CNTNAP2: variants seen among roughly 807,000 people sequenced by gnomAD.
The protein encoded by CNTNAP2 is contactin-associated protein-like 2.
In CNTNAP2, 98 loss-of-function variants were observed where a neutral mutation model predicts 155.2. The ratio of observed to expected loss-of-function variants is 0.63; its 90% CI spans 0.54 to 0.75. CNTNAP2 has a LOEUF of 0.75. Among genes scored for constraint, CNTNAP2 ranks in the 30% least tolerant of loss-of-function variants. The pLI is 0.00. For synonymous variants in CNTNAP2, 651 were observed against 631.2 expected, an observed-to-expected ratio of 1.03 and a Z score of -0.47; for missense variants, 1,727 against 1,688.1, an observed-to-expected ratio of 1.02 and a Z score of -0.40.
chr7:147,006,903 A>G (rs1414716709), intron 3 of CNTNAP2, among the ~76,000 whole-genome samples: 2 of 152,086 alleles, frequency 1.3e-5, no homozygotes, highest in East Asian at 3.9e-4. Context: ...TAAAGGAAAA[A>G]GTACATGCTG....
intron 13 of CNTNAP2, among the ~76,000 whole-genome samples, chr7:147,734,449 T>C (rs561035224): frequency 3.1e-4 from 47 of 152,306 alleles, no homozygotes; most frequent in Non-Finnish European, 6.0e-4. Context: ...TGCATCAATG[T>C]TCATCAGGGA....
At chr7:147,167,254 A>T (rs1802132785) in intron 8 of CNTNAP2, 1 of 382,732 alleles carries the variant, frequency 2.6e-6, no homozygotes, top group Non-Finnish European at 4.6e-6. Flanking sequence ...TAACTGGTCA[A>T]TTTTGATAAT....
chr7:148,136,018 AGGG>A (rs1804938152), intron 16 of CNTNAP2, among the ~76,000 whole-genome samples: 5 of 19,548 alleles, frequency 2.6e-4, no homozygotes, highest in African/African-American at 8.5e-4. Context: ...GAAGGAAGGA[AGGG>A]AGGGAGGGAG....
intron 2 of CNTNAP2, 70 bp from the exon 3 acceptor site, chr7:146,839,641 A>G: frequency 6.6e-7 from 1 of 1,524,566 alleles, no homozygotes; most frequent in Non-Finnish European, 9.1e-7. Flanking sequence ...TATGTAGAAT[A>G]TTCCATTGTC....
chr7:148,022,971 G>C (rs189684616), intron 15 of CNTNAP2, among the ~76,000 whole-genome samples: 1 of 152,148 alleles, frequency 6.6e-6, no homozygotes, highest in South Asian at 2.1e-4. Context: ...ATATCTCATC[G>C]GCAGTAATAG....
chr7:147,340,115 A>G (rs995743821), intron 9 of CNTNAP2, among the ~76,000 whole-genome samples: 4 of 152,158 alleles, frequency 2.6e-5, no homozygotes, highest in Non-Finnish European at 5.9e-5. Flanking sequence ...CATAAGAGAT[A>G]AAGATACTAT....
At chr7:148,136,458 C>T (rs923026775) in intron 16 of CNTNAP2, among the ~76,000 whole-genome samples, 2 of 152,090 alleles carry the variant, frequency 1.3e-5, no homozygotes, top group South Asian at 2.1e-4. Context: ...CTTCACCTTC[C>T]GTCATGAGCA....
intron 15 of CNTNAP2, among the ~76,000 whole-genome samples, chr7:148,050,017 G>T (rs549336225): frequency 6.6e-6 from 1 of 152,020 alleles, no homozygotes; most frequent in Non-Finnish European, 1.5e-5. Flanking sequence ...ACAAAAATTA[G>T]CCAGGCATAG....
intron 3 of CNTNAP2, among the ~76,000 whole-genome samples, chr7:146,916,666 A>G (rs1448848646): frequency 6.6e-6 from 1 of 151,648 alleles, no homozygotes. Context: ...CTGTGGTAGC[A>G]GTTGTTTTAT....
chr7:147,342,485 C>G (rs1156739211), intron 9 of CNTNAP2, among the ~76,000 whole-genome samples: 1 of 152,130 alleles, frequency 6.6e-6, no homozygotes, highest in Non-Finnish European at 1.5e-5. Context: ...GATTTTTCAA[C>G]TGGTGGCCAG....
chr7:146,811,395 T>A (rs1803063298), intron 2 of CNTNAP2, among the ~76,000 whole-genome samples: 1 of 152,204 alleles, frequency 6.6e-6, no homozygotes, highest in Non-Finnish European at 1.5e-5. Context: ...TTTATCTGTT[T>A]CTTTGAACTT....
intron 1 of CNTNAP2, among the ~76,000 whole-genome samples, chr7:146,410,139 C>T (rs1023857419): frequency 5.9e-5 from 9 of 152,266 alleles, no homozygotes; most frequent in Non-Finnish European, 1.0e-4. Flanking sequence ...TGCTAATATT[C>T]GGAGTGATGT....
At chr7:146,755,862 A>G (rs1290484521) in intron 1 of CNTNAP2, among the ~76,000 whole-genome samples, 2 of 151,964 alleles carry the variant, frequency 1.3e-5, no homozygotes, top group Non-Finnish European at 2.9e-5. Flanking sequence ...TGTGGGGTCT[A>G]CAGTGACTGC....
chr7:146,365,290 G>A (rs931052209), intron 1 of CNTNAP2, among the ~76,000 whole-genome samples: 5 of 152,102 alleles, frequency 3.3e-5, no homozygotes, highest in African/African-American at 4.8e-5. Flanking sequence ...CTCTCTCTAA[G>A]GACCCTCAGC....
chr7:146,888,155 TATATA>T (rs957816171), intron 3 of CNTNAP2, among the ~76,000 whole-genome samples: 1 of 152,146 alleles, frequency 6.6e-6, no homozygotes, highest in Non-Finnish European at 1.5e-5. Context: ...CTTTGAAAAT[TATATA>T]ATATTTCTTT....
At chr7:146,995,464 A>T (rs1262237477) in intron 3 of CNTNAP2, among the ~76,000 whole-genome samples, 1 of 152,022 alleles carries the variant, frequency 6.6e-6, no homozygotes, top group Admixed American at 6.6e-5. Context: ...AGTTGATAAG[A>T]CTTCTGTTTT....
intron 13 of CNTNAP2, among the ~76,000 whole-genome samples, chr7:147,817,778 G>A (rs544324391): frequency 4.0e-5 from 6 of 151,734 alleles, no homozygotes; most frequent in East Asian, 1.9e-4. Context: ...GATGGTGGGC[G>A]CCTGTAGTCC....
chr7:146,769,867 A>G (rs1311685783), intron 1 of CNTNAP2, among the ~76,000 whole-genome samples: 3 of 152,138 alleles, frequency 2.0e-5, no homozygotes, highest in East Asian at 3.9e-4. Flanking sequence ...ATAAAACTTT[A>G]CTTACAAAAG....
intron 19 of CNTNAP2, among the ~76,000 whole-genome samples, chr7:148,229,098 T>C (rs1795911928): frequency 6.6e-6 from 1 of 152,212 alleles, no homozygotes; most frequent in African/African-American, 2.4e-5. Context: ...TCACTGAAGT[T>C]CACTGTGGGC....
Sources: gnomAD v4.1 joint callset for allele counts (sites outside exome capture counted in the v4.1 genomes callset) on GRCh38, gnomAD v4.1.1 for gene constraint, MANE v1.5 for transcripts, NCBI Gene and HGNC (gene_info 2026-07-23, HGNC 2026-07-21) for gene names.